The following TCF7L2 variants were observed in gnomAD, a reference collection of about 807,000 sequenced individuals.
The protein encoded by TCF7L2 is transcription factor 7-like 2.
TCF7L2 carries 23 observed loss-of-function variants against 77.9 expected under a neutral mutation model. That is an observed-to-expected ratio of 0.30 (90% CI 0.21 to 0.42). The LOEUF is 0.42. Ranked by LOEUF, TCF7L2 falls within the 10% of genes least tolerant of loss-of-function variation. The probability of loss-of-function intolerance (pLI) is 1.00; values close to 1 mark genes in which losing one functional copy is unlikely to be tolerated. For synonymous variants in TCF7L2, 413 were observed against 340.2 expected (o/e 1.21, Z -2.36); for missense variants, 654 against 793.1 (o/e 0.82, Z 2.11).
At chr10:113,145,151 G>A (rs776486471) in intron 7 of TCF7L2, among the ~76,000 whole-genome samples, 3 of 150,220 alleles carry the variant, frequency 2.0e-5, no homozygotes, top group Non-Finnish European at 4.4e-5. Context: ...ATTGCATTAT[G>A]TAGTAGCTGT....
chr10:113,128,230 AC>A (rs760242552), intron 5 of TCF7L2, among the ~76,000 whole-genome samples: 38 of 152,178 alleles, frequency 2.5e-4, no homozygotes, highest in Non-Finnish European at 4.6e-4. Flanking sequence ...CCTGACACTT[AC>A]ACAGGAAGGC....
At chr10:112,977,572 G>C (rs2039658490) in intron 4 of TCF7L2, among the ~76,000 whole-genome samples, 1 of 152,202 alleles carries the variant, frequency 6.6e-6, no homozygotes, top group Non-Finnish European at 1.5e-5. Flanking sequence ...GAACTGGCGT[G>C]ATGTTAGCAA....
chr10:113,084,901 A>G (rs951350075), intron 5 of TCF7L2, among the ~76,000 whole-genome samples: 1 of 124,034 alleles, frequency 8.1e-6, no homozygotes, highest in African/African-American at 3.1e-5. Context: ...GTCTCAAGCC[A>G]CCCCCCCCCA....
At chr10:112,988,793 T>G (rs1421945887) in intron 4 of TCF7L2, among the ~76,000 whole-genome samples, 1 of 152,194 alleles carries the variant, frequency 6.6e-6, no homozygotes, top group African/African-American at 2.4e-5. Context: ...AGAAATAACC[T>G]TAATAGCAAC....
intron 5 of TCF7L2, among the ~76,000 whole-genome samples, chr10:113,093,147 C>T (rs1237990407): frequency 3.3e-5 from 5 of 152,232 alleles, no homozygotes; most frequent in African/African-American, 7.2e-5. Flanking sequence ...ACACAGGCTT[C>T]CTGTGATCCA....
At chr10:113,078,256 C>T (rs956200031) in intron 5 of TCF7L2, among the ~76,000 whole-genome samples, 4 of 152,024 alleles carry the variant, frequency 2.6e-5, no homozygotes, top group South Asian at 2.1e-4. Context: ...AGTCTATGAG[C>T]GGTCCACACA....
chr10:113,121,253 T>C (rs1271131614), intron 5 of TCF7L2, among the ~76,000 whole-genome samples: 1 of 152,188 alleles, frequency 6.6e-6, no homozygotes, highest in African/African-American at 2.4e-5. Flanking sequence ...GCCCCTCTTC[T>C]CGCTCTCCCG....
At chr10:113,105,927 T>C (rs141600726) in intron 5 of TCF7L2, among the ~76,000 whole-genome samples, 48 of 152,276 alleles carry the variant, frequency 3.2e-4, no homozygotes, top group Admixed American at 1.9e-3. Context: ...TCTCCAGGAT[T>C]AAAACAAAAC....
chr10:112,962,310 T>C (rs992659020), intron 3 of TCF7L2, among the ~76,000 whole-genome samples: 2 of 152,012 alleles, frequency 1.3e-5, no homozygotes, highest in African/African-American at 4.8e-5. Flanking sequence ...AATCAGGCGA[T>C]TGGAAAAGAA....
intron 5 of TCF7L2, among the ~76,000 whole-genome samples, chr10:113,106,477 C>T (rs2062334758): frequency 6.6e-6 from 1 of 152,162 alleles, no homozygotes; most frequent in South Asian, 2.1e-4. Context: ...CAAGGTCTTT[C>T]TGGATTAGTG....
intron 5 of TCF7L2, among the ~76,000 whole-genome samples, chr10:113,073,753 C>G (rs892523993): frequency 6.6e-6 from 1 of 152,006 alleles, no homozygotes; most frequent in Non-Finnish European, 1.5e-5. Flanking sequence ...AGCTGCTTCC[C>G]GATCTCCTTT....
intron 4 of TCF7L2, among the ~76,000 whole-genome samples, chr10:112,971,381 A>G (rs1410290387): frequency 6.6e-6 from 1 of 151,778 alleles, no homozygotes; most frequent in Non-Finnish European, 1.5e-5. Context: ...TCCAGGCTGG[A>G]GGTTTTTCCT....
rs7071713 is a variant in TCF7L2 at position 113,124,899 on chromosome 10, C to T, written c.553-16285C>T. 3.4e-3 allele frequency among the ~76,000 whole-genome samples: 512 copies of T among 152,092 alleles called. 2 individuals carry two copies. Among genetic ancestry groups the T allele is most frequent in the African/African-American group, 0.012 (484 of 41,472 alleles). Reference sequence around the variant, plus strand: ...GAAGGAGTCTAGCGGGCACTCTTTCCGAATGGCGATTTGGGATCTGCTGCA... The same window carrying T: ...GAAGGAGTCTAGCGGGCACTCTTTCTGAATGGCGATTTGGGATCTGCTGCA... On this transcript the variant is annotated intron_variant, in intron 5 of 13. Coordinates refer to ENST00000627217, the MANE Select transcript of TCF7L2 (RefSeq NM_001146274.2).
At chr10:112,961,151 T>C (rs2035001404) in intron 3 of TCF7L2, among the ~76,000 whole-genome samples, 1 of 151,456 alleles carries the variant, frequency 6.6e-6, no homozygotes, top group Non-Finnish European at 1.5e-5. Context: ...ATAGCTGGGA[T>C]TACAGGAATG....
At chr10:113,164,741 T>C (rs960380014) in intron 13 of TCF7L2, among the ~76,000 whole-genome samples, 3 of 151,562 alleles carry the variant, frequency 2.0e-5, no homozygotes, top group Admixed American at 2.0e-4. Context: ...CTTCTACCTG[T>C]TTTTGGTGGT....
intron 4 of TCF7L2, among the ~76,000 whole-genome samples, chr10:112,976,026 C>T (rs993814152): frequency 1.2e-4 from 19 of 152,180 alleles, no homozygotes; most frequent in Non-Finnish European, 2.8e-4. Context: ...GTGAATAGTT[C>T]AGTTCCTGCT....
At chr10:113,042,255 CT>C (rs1396099437) in intron 5 of TCF7L2, among the ~76,000 whole-genome samples, 1 of 152,206 alleles carries the variant, frequency 6.6e-6, no homozygotes, top group African/African-American at 2.4e-5. Flanking sequence ...TTTTCCTCTG[CT>C]GTGTCTTAGC....
chr10:112,999,548 T>C (rs2044103609), intron 4 of TCF7L2, among the ~76,000 whole-genome samples: 1 of 152,248 alleles, frequency 6.6e-6, no homozygotes, highest in Admixed American at 6.5e-5. Flanking sequence ...GATGAAGTTC[T>C]CTGTGAGGGG....
intron 4 of TCF7L2, among the ~76,000 whole-genome samples, chr10:113,005,277 A>C (rs2045333394): frequency 6.6e-6 from 1 of 152,104 alleles, no homozygotes; most frequent in Non-Finnish European, 1.5e-5. Context: ...AGCACTGTGC[A>C]TGTTGTGGGG....
Sources: allele counts gnomAD v4.1 joint callset (sites outside exome capture counted in the v4.1 genomes callset), GRCh38; gene constraint gnomAD v4.1.1; transcripts MANE v1.5; gene names NCBI Gene and HGNC (gene_info 2026-07-23, HGNC 2026-07-21).